Variants in WDR59 observed in about 807,000 individuals in gnomAD.
WDR59 encodes the protein GATOR2 complex protein WDR59.
A neutral mutation model predicts 131.2 loss-of-function variants in WDR59; 100 were observed. That is an observed-to-expected ratio of 0.76 (90% CI 0.65 to 0.90). The LOEUF (loss-of-function observed/expected upper bound fraction) is 0.90. Among genes scored for constraint, WDR59 ranks in the 40% least tolerant of loss-of-function variants. WDR59 has a pLI of 0.00. For missense variants in WDR59, 1,203 were observed against 1,262.2 expected (o/e 0.95, Z 0.71); for synonymous variants, 601 against 466.2 (o/e 1.29, Z -3.72).
intron 9 of WDR59, among the ~76,000 whole-genome samples, chr16:74,923,370 G>A (rs1028517698): frequency 5.3e-5 from 8 of 151,954 alleles, no homozygotes; most frequent in African/African-American, 1.7e-4. Context: ...CCCTGCTGCC[G>A]GCCCTACCAT....
intron 22 of WDR59, 113 bp downstream of exon 22, chr16:74,888,056 T>G: frequency 1.5e-6 from 2 of 1,334,760 alleles, no homozygotes; most frequent in Non-Finnish European, 2.0e-6. Flanking sequence ...AGGCGGAGGT[T>G]GCAGTGAGCT....
chr16:74,938,516 C>G (rs1188146745), intron 7 of WDR59, among the ~76,000 whole-genome samples: 1 of 152,074 alleles, frequency 6.6e-6, no homozygotes, highest in African/African-American at 2.4e-5. Flanking sequence ...ATGAAGGATA[C>G]AAGGTAGTAG....
chr16:74,886,190 A>AAAAAAAAAAAAAAAAAAT, intron 24 of WDR59, 80 bp downstream of exon 24: 1 of 1,448,720 alleles, frequency 6.9e-7, no homozygotes, highest in Non-Finnish European at 9.4e-7. Flanking sequence ...AAAAAAAAAA[A>AAAAAAAAAAAAAAAAAAT]GTAAGAGTTG....
chr16:74,920,004 G>A (rs1015841126), intron 10 of WDR59, among the ~76,000 whole-genome samples: 10 of 151,632 alleles, frequency 6.6e-5, no homozygotes, highest in Non-Finnish European at 1.0e-4. Flanking sequence ...CCAGGAGGTC[G>A]AGGCTGCAGT....
At chr16:74,940,039 G>A (rs562218964) in intron 7 of WDR59, among the ~76,000 whole-genome samples, 4 of 152,104 alleles carry the variant, frequency 2.6e-5, no homozygotes, top group Non-Finnish European at 4.4e-5. Context: ...TCAAATTTTG[G>A]CAGCAAATTT....
In WDR59 at chr16:74,915,877, T is replaced by C. The variant is rs533919592; in HGVS notation, c.1217A>G (p.Asn406Ser). Reference protein sequence around the residue: ...SLINVQIRNVNVEMDAADRSC... With the variant: ...SLINVQIRNVSVEMDAADRSC... ...GTTGATTAAACTAAGTACCTCCACA[T>C]TGACATTCCGGATTTGCACATTGAT... is the stretch of plus-strand genomic sequence containing the variant. Residue 406 changes from asparagine to serine, a missense_variant, in exon 13 of 26, where the codon AAT becomes AGT. Transcript: ENST00000262144. 3.1e-6 allele frequency: 5 copies of C among 1,614,102 alleles called. No individual in the cohort carries two copies. The highest frequency in any genetic ancestry group is 4.5e-5 in the East Asian group (2 of 44,898).
rs975309879 is a variant in WDR59, at chr16:74,872,220, G to T, written c.*1989C>A. On this transcript the variant is annotated 3_prime_UTR_variant, in exon 26 of 26. Transcript: ENST00000262144. ...GATCAATGTCACAATCCACTAATGGGTCCTGACCTGGAGTTTGAAACACAT... is the reference window on the plus strand; with the variant it reads ...GATCAATGTCACAATCCACTAATGGTTCCTGACCTGGAGTTTGAAACACAT... 1.3e-5 allele frequency: 2 copies of T among 152,018 alleles called. No homozygotes were observed. Among genetic ancestry groups the T allele is most frequent in the African/African-American group, 2.4e-5 (1 of 41,366 alleles). 9.4% of individuals were successfully genotyped at this position (152,018 alleles called of 1,614,324 possible).
Position 74,892,476 on chromosome 16 carries a change from G to C in WDR59, c.2082+8C>G. The C allele has an allele frequency of 6.2e-7, 1 of 1,612,556 alleles. No homozygotes were observed. The highest frequency in any genetic ancestry group is 8.5e-7 in the Non-Finnish European group (1 of 1,178,830). On this transcript the variant is annotated splice_region_variant and intron_variant, in intron 20 of 25. Coordinates refer to ENST00000262144, the MANE Select transcript of WDR59 (RefSeq NM_030581.4). Reference sequence around the variant, plus strand: ...ATCCAAATCTCCACCAAAAGGGATGGACAATACCTGGACAAGATCCTTTCT... The same window carrying C: ...ATCCAAATCTCCACCAAAAGGGATGCACAATACCTGGACAAGATCCTTTCT...
At chr16:74,961,317 C>T (rs569706444) in intron 2 of WDR59, among the ~76,000 whole-genome samples, 2 of 151,554 alleles carry the variant, frequency 1.3e-5, no homozygotes, top group African/African-American at 4.8e-5. Flanking sequence ...ACAACAACAA[C>T]AAAAAAAACC....
intron 17 of WDR59, among the ~76,000 whole-genome samples, chr16:74,906,320 A>AAAAAAACAAAAAC (rs1965819033): frequency 7.3e-6 from 1 of 136,282 alleles, no homozygotes; most frequent in Non-Finnish European, 1.6e-5. Flanking sequence ...TCTCAAAAAA[A>AAAAAAACAAAAAC]AAAAAACCCA....
intron 25 of WDR59, among the ~76,000 whole-genome samples, chr16:74,879,047 C>T (rs536607654): frequency 2.0e-5 from 3 of 152,198 alleles, no homozygotes; most frequent in African/African-American, 7.2e-5. Flanking sequence ...TCCTGAATAC[C>T]AACTTTCCAA....
At chr16:74,978,599 G>C (rs2034279266) in intron 1 of WDR59, among the ~76,000 whole-genome samples, 1 of 152,216 alleles carries the variant, frequency 6.6e-6, no homozygotes. Flanking sequence ...AGCTGCCAGA[G>C]ATAAGGGATG....
At chr16:74,922,402 C>A (rs565590671) in intron 9 of WDR59, among the ~76,000 whole-genome samples, 15 of 152,316 alleles carry the variant, frequency 9.8e-5, no homozygotes, top group Non-Finnish European at 2.1e-4. Flanking sequence ...CACACTGTTT[C>A]ACATCCTAGC....
chr16:74,965,679 C>A, intron 2 of WDR59, 94 bp downstream of exon 2: 1 of 1,457,386 alleles, frequency 6.9e-7, no homozygotes. Flanking sequence ...GATCATAATC[C>A]GTAAATATAA....
At chr16:74,969,665 G>A (rs1032806698) in intron 1 of WDR59, among the ~76,000 whole-genome samples, 5 of 151,860 alleles carry the variant, frequency 3.3e-5, no homozygotes, top group Admixed American at 6.6e-5. Flanking sequence ...TGCCTCCCGC[G>A]TTAAAGTGAT....
intron 25 of WDR59, among the ~76,000 whole-genome samples, chr16:74,885,354 G>C (rs1449556371): frequency 6.7e-6 from 1 of 149,640 alleles, no homozygotes; most frequent in Non-Finnish European, 1.5e-5. Context: ...GGGAGGCTTA[G>C]GGAGGAGAAG....
intron 17 of WDR59, 118 bp downstream of exon 17, chr16:74,908,790 G>T (rs1169620898): frequency 2.5e-5 from 17 of 676,308 alleles, no homozygotes; most frequent in Non-Finnish European, 3.3e-5. Flanking sequence ...TCTTATAATG[G>T]GAGTTTACTG....
chr16:74,952,455 AAAAAAAAAAAAG>A (rs1328451104), intron 3 of WDR59, among the ~76,000 whole-genome samples: 3 of 150,588 alleles, frequency 2.0e-5, no homozygotes, highest in African/African-American at 7.3e-5. Flanking sequence ...CAAAAAAAAA[AAAAAAAAAAAAG>A]AAAAGAAAAG....
At chr16:74,951,121 T>C (rs1053262080) in intron 4 of WDR59, among the ~76,000 whole-genome samples, 4 of 143,988 alleles carry the variant, frequency 2.8e-5, no homozygotes, top group South Asian at 2.2e-4. Context: ...GATCGCACCA[T>C]TGCACTCCAG....
Sources: gnomAD v4.1 joint callset for allele counts (sites outside exome capture counted in the v4.1 genomes callset) on GRCh38, gnomAD v4.1.1 for gene constraint, MANE v1.5 for transcripts, NCBI Gene and HGNC (gene_info 2026-07-23, HGNC 2026-07-21) for gene names.